The following NIBAN2 variants were observed in gnomAD, a reference collection of about 807,000 sequenced individuals.
The protein encoded by NIBAN2 is niban apoptosis regulator 2.
A neutral mutation model predicts 81.8 loss-of-function variants in NIBAN2; 36 were observed. The observed-to-expected ratio is 0.44, with a 90% CI of 0.34 to 0.58. The LOEUF is 0.58. Ranked by LOEUF, NIBAN2 falls within the 20% of genes least tolerant of loss-of-function variation. The pLI, the probability that NIBAN2 is intolerant of heterozygous loss-of-function variation, is 0.02. For synonymous variants in NIBAN2, 445 were observed against 441.6 expected (o/e 1.01, Z -0.10); for missense variants, 897 against 1,014.1 (o/e 0.88, Z 1.57).
chr9:127,532,886 C>T (rs2247618), intron 1 of NIBAN2, among the ~76,000 whole-genome samples: 119,964 of 151,950 alleles, frequency 0.79, 47,772 homozygotes, highest in Middle Eastern at 0.85. Flanking sequence ...ATACAAAAGT[C>T]TGGCCAGGTG....
At chr9:127,567,294 C>T (rs868270080) in intron 1 of NIBAN2, among the ~76,000 whole-genome samples, 73 of 152,276 alleles carry the variant, frequency 4.8e-4, no homozygotes, top group African/African-American at 1.5e-3. Flanking sequence ...GTTACAGAGC[C>T]CCAGGAGCTT....
At chr9:127,511,580 A>G (rs1241298660) in intron 8 of NIBAN2, among the ~76,000 whole-genome samples, 1 of 152,202 alleles carries the variant, frequency 6.6e-6, no homozygotes, top group African/African-American at 2.4e-5. Context: ...AAGATGAGAA[A>G]TCCATGCAGG....
chr9:127,529,512 T>C (rs1837139893), intron 2 of NIBAN2, among the ~76,000 whole-genome samples: 1 of 152,166 alleles, frequency 6.6e-6, no homozygotes, highest in South Asian at 2.1e-4. Context: ...TGGTGGTGGA[T>C]GCCTGTGATC....
rs1190091189 is a variant in NIBAN2, at chr9:127,508,868, A to G, written c.1317+108T>C. 1.0e-5 allele frequency: 13 copies of G among 1,261,528 alleles called. No individual in the cohort carries two copies. The highest frequency in any genetic ancestry group is 1.5e-5 in the Non-Finnish European group (13 of 876,948). The allele number at this position is 1,261,528 out of a possible 1,614,324, so 78.1% of individuals were successfully genotyped here. A position where few individuals can be genotyped will look rare whatever the true frequency, so the allele number is the denominator to read the frequency against. On this transcript the variant is annotated intron_variant, in intron 10 of 13. Transcript: ENST00000373312. The surrounding 1 kb of genome is among the most constrained non-coding windows in gnomAD (Gnocchi z 6.4). Reference sequence around the variant, plus strand: ...AGAGGAGGAGAGAGCGTGCCAGGCAAGCGTGGCTATGGCATGACGGGACGG... The same window carrying G: ...AGAGGAGGAGAGAGCGTGCCAGGCAGGCGTGGCTATGGCATGACGGGACGG...
chr9:127,525,852 C>G (rs1351060428), intron 3 of NIBAN2, among the ~76,000 whole-genome samples: 2 of 152,204 alleles, frequency 1.3e-5, no homozygotes, highest in African/African-American at 4.8e-5. Flanking sequence ...TTACCCTGAA[C>G]TGCCCCCACC....
intron 1 of NIBAN2, among the ~76,000 whole-genome samples, chr9:127,549,123 T>C (rs1185489592): frequency 6.6e-6 from 1 of 152,142 alleles, no homozygotes; most frequent in Admixed American, 6.6e-5. Flanking sequence ...TCTGTTCCAA[T>C]AAGAACTAAC....
At chr9:127,544,527 G>C (rs933855613) in intron 1 of NIBAN2, among the ~76,000 whole-genome samples, 4 of 151,052 alleles carry the variant, frequency 2.6e-5, no homozygotes, top group African/African-American at 9.7e-5. Context: ...TTTTGAGATG[G>C]AGTCCCCACT....
intron 1 of NIBAN2, among the ~76,000 whole-genome samples, chr9:127,538,683 G>A (rs982329203): frequency 1.1e-4 from 16 of 144,428 alleles, no homozygotes; most frequent in Non-Finnish European, 2.1e-4. Flanking sequence ...AGTGGCTCAC[G>A]CCTGTAATCC....
rs1837449362 is a variant in NIBAN2 at position 127,545,209 on chromosome 9, C to T, written c.56-13431G>A. Among the ~76,000 whole-genome samples, 1 of 152,132 alleles carries T rather than the reference C, an allele frequency of 6.6e-6. No individual in the cohort carries two copies. Among genetic ancestry groups the T allele is most frequent in the South Asian group, 2.1e-4 (1 of 4,832 alleles). ...CCTGGCCAACTCCTCTTTCTCCTCC[C>T]CAGGCTCAAGTGCCACCTCCTCGGA... On this transcript the variant is annotated intron_variant, in intron 1 of 13. Coordinates refer to ENST00000373312, the MANE Select transcript of NIBAN2 (RefSeq NM_022833.4). The surrounding 1 kb of genome is among the most constrained non-coding windows in gnomAD (Gnocchi z 4.7).
At chr9:127,543,053 C>T (rs1179009300) in intron 1 of NIBAN2, among the ~76,000 whole-genome samples, 17 of 152,180 alleles carry the variant, frequency 1.1e-4, no homozygotes, top group African/African-American at 3.9e-4. Flanking sequence ...AAGGAAAAAC[C>T]TCTTCCCTTA....
At position 127,569,066 on chromosome 9, in the gene NIBAN2, G is replaced by T; in HGVS notation, c.-192C>A. Reference sequence around the variant, plus strand: ...CGGTCGGGCCCCGTCCCTCCAGCCGGCCGCCTTGGCCCCCTCCCTGCCCTC... The same window carrying T: ...CGGTCGGGCCCCGTCCCTCCAGCCGTCCGCCTTGGCCCCCTCCCTGCCCTC... On this transcript the variant is annotated 5_prime_UTR_variant, in exon 1 of 14. Transcript: ENST00000373312. 1 of 1,074,262 alleles carries T rather than the reference G, an allele frequency of 9.3e-7. No homozygotes were observed. Among genetic ancestry groups the T allele is most frequent in the Non-Finnish European group, 1.1e-6 (1 of 889,474 alleles). The allele number at this position is 1,074,262 out of a possible 1,614,324, so 66.5% of individuals were successfully genotyped here.
intron 1 of NIBAN2, among the ~76,000 whole-genome samples, chr9:127,551,031 C>A (rs2132221414): frequency 6.6e-6 from 1 of 152,234 alleles, no homozygotes; most frequent in African/African-American, 2.4e-5. Flanking sequence ...TTCTGTGTTC[C>A]CATTAAGAAA....
At chr9:127,573,312 G>T (rs981852600), upstream of NIBAN2, among the ~76,000 whole-genome samples, 2 of 137,894 alleles carry the variant, frequency 1.5e-5, no homozygotes, top group Admixed American at 7.1e-5. Context: ...AGAATTTGTT[G>T]TTTTTTTTTT....
chr9:127,516,915 G>A lies in NIBAN2; in HGVS notation c.915C>T (p.Ile305=). 1 of 1,614,190 alleles carries A rather than the reference G, an allele frequency of 6.2e-7. No individual in the cohort carries two copies. The highest frequency in any genetic ancestry group is 8.5e-7 in the Non-Finnish European group (1 of 1,180,026). The change falls in exon 8 of 14, where the codon ATC becomes ATT. Residue 305 remains isoleucine (I), a synonymous_variant. Coordinates refer to ENST00000373312, the MANE Select transcript of NIBAN2 (RefSeq NM_022833.4). ...TGATAATTTGGTCCATGTCAGTTCGGATGACGGCCTGCATGGCCGGCTGCA... is the reference window on the plus strand; with the variant it reads ...TGATAATTTGGTCCATGTCAGTTCGAATGACGGCCTGCATGGCCGGCTGCA... The part of the protein sequence containing the change: ...QQVQPAMQAV[I]RTDMDQIITS...
In NIBAN2 at chr9:127,508,886, C is replaced by A; in HGVS notation, c.1317+90G>T. ...CCAGGCAAGCGTGGCTATGGCATGA[C>A]GGGACGGAGCAGAAGGGACCCCCTG... On this transcript the variant is annotated intron_variant, in intron 10 of 13. Coordinates refer to ENST00000373312, the MANE Select transcript of NIBAN2 (RefSeq NM_022833.4). The surrounding 1 kb of genome is among the most constrained non-coding windows in gnomAD (Gnocchi z 6.4). 1 of 1,445,986 alleles carries A rather than the reference C, an allele frequency of 6.9e-7. No homozygotes were observed. Among genetic ancestry groups the A allele is most frequent in the Non-Finnish European group, 9.6e-7 (1 of 1,036,682 alleles). The allele number at this position is 1,445,986 out of a possible 1,614,324, so 89.6% of individuals were successfully genotyped here.
At position 127,510,141 on chromosome 9, in the gene NIBAN2, C is replaced by T; in HGVS notation, c.1161+5G>A. The T allele has an allele frequency of 6.2e-7, 1 of 1,606,622 alleles. No homozygotes were observed. The highest frequency in any genetic ancestry group is 8.5e-7 in the Non-Finnish European group (1 of 1,175,054). On this transcript the variant is annotated splice_donor_5th_base_variant and intron_variant, in intron 9 of 13. Transcript: ENST00000373312. ...ACCCCCTCCTAGGGGCGGTGCCGGC[C>T]TCACCTCGCCCAGCTTGTCAATGCC...
chr9:127,515,423 A>G (rs1376377423), intron 8 of NIBAN2, among the ~76,000 whole-genome samples: 1 of 149,630 alleles, frequency 6.7e-6, no homozygotes, highest in South Asian at 2.2e-4. Flanking sequence ...CAGGAGGCTG[A>G]GGCAGGAGAA....
At chr9:127,569,269 GC>G (rs1419480358), upstream of NIBAN2, among the ~76,000 whole-genome samples, 1 of 145,802 alleles carries the variant, frequency 6.9e-6, no homozygotes, top group African/African-American at 2.5e-5. Context: ...CGCCCCGTAT[GC>G]CCCGCCCCCT....
At chr9:127,543,781 T>C (rs908099622) in intron 1 of NIBAN2, among the ~76,000 whole-genome samples, 18 of 152,208 alleles carry the variant, frequency 1.2e-4, no homozygotes, top group African/African-American at 4.1e-4. Flanking sequence ...AAGGCCCTGC[T>C]CACCCATCCT....
Sources: gnomAD v4.1 joint callset for allele counts (sites outside exome capture counted in the v4.1 genomes callset) on GRCh38, gnomAD v4.1.1 for gene constraint, Gnocchi (gnomAD v3.1) non-coding constraint, MANE v1.5 for transcripts, NCBI Gene and HGNC (gene_info 2026-07-23, HGNC 2026-07-21) for gene names.